Variants in EIF3L observed in about 807,000 individuals in gnomAD.
EIF3L encodes the protein eukaryotic translation initiation factor 3 subunit L.
A neutral mutation model predicts 74.6 loss-of-function variants in EIF3L; 32 were observed. The observed-to-expected ratio is 0.43, with a 90% CI of 0.32 to 0.58. The LOEUF (loss-of-function observed/expected upper bound fraction) is 0.58. EIF3L is among the 20% of genes least tolerant of loss of function. The pLI, the probability that EIF3L is intolerant of heterozygous loss-of-function variation, is 0.06. For synonymous variants in EIF3L, 256 were observed against 254.4 expected (o/e 1.01, Z -0.06); for missense variants, 474 against 707.8 (o/e 0.67, Z 3.75).
At chr22:37,870,368 G>C in intron 8 of EIF3L, 21 bp downstream of exon 8, 1 of 1,564,762 alleles carries the variant, frequency 6.4e-7, no homozygotes, top group East Asian at 2.3e-5. Flanking sequence ...CAGGCCGACA[G>C]CCGTGGCCTG....
intron 7 of EIF3L, among the ~76,000 whole-genome samples, chr22:37,869,144 T>C (rs1926341033): frequency 6.6e-6 from 1 of 152,158 alleles, no homozygotes; most frequent in Non-Finnish European, 1.5e-5. Context: ...TTTTTTGTGT[T>C]TTGAGACAGA....
chr22:37,888,273 C>T (rs1927423905), intron 12 of EIF3L, 153 bp from the exon 13 acceptor site: 15 of 701,552 alleles, frequency 2.1e-5, no homozygotes, highest in South Asian at 3.5e-5. Context: ...ATGAATGTCA[C>T]GGCTTTGCAC....
chr22:37,864,389 T>C (rs1926031429), intron 7 of EIF3L, among the ~76,000 whole-genome samples: 1 of 152,160 alleles, frequency 6.6e-6, no homozygotes, highest in Non-Finnish European at 1.5e-5. Context: ...TCGATCAGAA[T>C]ACAATAGAAC....
rs546245281 is a variant in EIF3L, at chr22:37,869,057, GA to G, written c.580-1118del. ...CCCAAAGTGCTGGGATTATAGGCGTGAGCCACCGTGCCTGGCATATTCTTTG... is the reference window on the plus strand; with the variant it reads ...CCCAAAGTGCTGGGATTATAGGCGTGGCCACCGTGCCTGGCATATTCTTTG... On this transcript the variant is annotated intron_variant, in intron 7 of 12. Coordinates refer to ENST00000652021, the MANE Select transcript of EIF3L (RefSeq NM_016091.4). Among the ~76,000 whole-genome samples the G allele has an allele frequency of 2.8e-3, 421 of 152,250 alleles. 2 individuals carry two copies. The highest frequency in any genetic ancestry group is 9.7e-3 in the African/African-American group (404 of 41,550).
At chr22:37,876,842 G>A (rs931999311) in intron 10 of EIF3L, 6 of 152,190 alleles carry the variant, frequency 3.9e-5, no homozygotes, top group African/African-American at 1.4e-4. Context: ...GAATTGGGAG[G>A]AGCTTCCTAG....
intron 8 of EIF3L, among the ~76,000 whole-genome samples, chr22:37,873,986 A>G (rs1424160695): frequency 6.6e-6 from 1 of 152,214 alleles, no homozygotes; most frequent in East Asian, 1.9e-4. Flanking sequence ...TAGTGTTTGC[A>G]TCATGCAAAA....
intron 7 of EIF3L, among the ~76,000 whole-genome samples, chr22:37,864,078 AAG>A (rs978488274): frequency 2.0e-5 from 3 of 152,186 alleles, no homozygotes; most frequent in Admixed American, 6.5e-5. Context: ...AAAAAAAAGA[AAG>A]AGTCAGGGTC....
Position 37,886,780 on chromosome 22 carries a change from G to A in EIF3L, c.1591G>A (p.Ala531Thr), listed in dbSNP as rs201577615. 1.6e-5 allele frequency: 25 copies of A among 1,609,988 alleles called. No individual in the cohort carries two copies. The highest frequency in any genetic ancestry group is 2.1e-5 in the Non-Finnish European group (25 of 1,177,368). ...TCCCCCACAGGACATGATCCACATC[G>A]CGGACACCAAGGTCGCCAGGCGTTA... Reference protein sequence around the residue: ...FYIDKDMIHIADTKVARRYGD... With the variant: ...FYIDKDMIHITDTKVARRYGD... Residue 531 changes from alanine (A) to threonine (T), a missense_variant, in exon 12 of 13, where the codon GCG becomes ACG. Transcript: ENST00000652021.
intron 7 of EIF3L, among the ~76,000 whole-genome samples, chr22:37,869,299 G>C (rs1460440516): frequency 6.6e-6 from 1 of 151,968 alleles, no homozygotes; most frequent in East Asian, 1.9e-4. Flanking sequence ...TGGCTAATTC[G>C]TTTGTGTTTT....
At chr22:37,862,128 G>A (rs573621308) in intron 5 of EIF3L, among the ~76,000 whole-genome samples, 32 of 152,254 alleles carry the variant, frequency 2.1e-4, no homozygotes, top group Admixed American at 1.4e-3. Context: ...GAGCCACTGC[G>A]CCCAGCTATA....
chr22:37,852,274 A>G (rs1217560461), intron 3 of EIF3L, among the ~76,000 whole-genome samples: 2 of 152,234 alleles, frequency 1.3e-5, no homozygotes, highest in African/African-American at 4.8e-5. Context: ...CCCATGAAGT[A>G]GCAGTTTTTC....
At chr22:37,874,964 C>T (rs1367564541) in intron 9 of EIF3L, among the ~76,000 whole-genome samples, 6 of 140,856 alleles carry the variant, frequency 4.3e-5, no homozygotes, top group South Asian at 2.3e-4. Context: ...AAGATGGTCT[C>T]GATCTCCTGA....
chr22:37,858,059 C>G (rs1925629526), intron 4 of EIF3L, among the ~76,000 whole-genome samples: 1 of 151,674 alleles, frequency 6.6e-6, no homozygotes, highest in Non-Finnish European at 1.5e-5. Context: ...GCCTGTAGTC[C>G]CACCTACTCG....
intron 11 of EIF3L, 124 bp downstream of exon 11, chr22:37,878,295 G>C: frequency 1.6e-6 from 2 of 1,278,640 alleles, no homozygotes; most frequent in Non-Finnish European, 2.1e-6. Context: ...CTGCCACAAG[G>C]TGCCAGGTGT....
At chr22:37,861,978 G>T (rs181020990) in intron 5 of EIF3L, among the ~76,000 whole-genome samples, 1 of 152,268 alleles carries the variant, frequency 6.6e-6, no homozygotes, top group East Asian at 1.9e-4. Context: ...TGCTTAGATT[G>T]TGCTTAATGT....
intron 9 of EIF3L, among the ~76,000 whole-genome samples, chr22:37,875,557 A>C (rs113271037): frequency 7.2e-5 from 11 of 152,200 alleles, no homozygotes; most frequent in African/African-American, 2.4e-4. Flanking sequence ...TTAATTGAAA[A>C]AGCAAGGAAA....
chr22:37,887,064 A>C (rs1927363148), intron 12 of EIF3L: 1 of 364,754 alleles, frequency 2.7e-6, no homozygotes, highest in Admixed American at 3.7e-5. Context: ...GCATAGCTGG[A>C]ATTACAGGTG....
At chr22:37,874,277 G>A (rs1422701519) in intron 8 of EIF3L, 93 bp from the exon 9 acceptor site, 2 of 1,344,004 alleles carry the variant, frequency 1.5e-6, no homozygotes, top group Non-Finnish European at 2.0e-6. Context: ...AAGGCTGGCA[G>A]TAGGTGAGAT....
rs35994639 is a variant in EIF3L, at chr22:37,874,895, ATTTTTTT to A, written c.906+387_906+393del. 1.8e-3 allele frequency among the ~76,000 whole-genome samples: 206 copies of A among 113,490 alleles called. 1 individual carries two copies. The highest frequency in any genetic ancestry group is 5.4e-3 in the African/African-American group (166 of 31,018). The allele number at this position is 113,490 out of a possible 152,430, so 74.5% of individuals were successfully genotyped here. A position where few individuals can be genotyped will look rare whatever the true frequency, so the allele number is the denominator to read the frequency against. ...AGGCATGCGCCACCATGCCCAGCTA[ATTTTTTT>A]TTTTTTTTTTTTTTTGTATTTTAGT... On this transcript the variant is annotated intron_variant, in intron 9 of 12. Transcript: ENST00000652021.
Sources: allele counts gnomAD v4.1 joint callset (sites outside exome capture counted in the v4.1 genomes callset), GRCh38; gene constraint gnomAD v4.1.1; transcripts MANE v1.5; gene names NCBI Gene and HGNC (gene_info 2026-07-23, HGNC 2026-07-21).